NCAM1: variants seen among roughly 807,000 people sequenced by gnomAD.
The protein encoded by NCAM1 is neural cell adhesion molecule 1.
In NCAM1, 14 loss-of-function variants were observed where a neutral mutation model predicts 109.8. The observed-to-expected ratio is 0.13, with a 90% confidence interval of 0.08 to 0.20. The LOEUF (loss-of-function observed/expected upper bound fraction) is 0.20. Ranked by LOEUF, NCAM1 falls within the 10% of genes least tolerant of loss-of-function variation. NCAM1 has a pLI of 1.00. For synonymous variants in NCAM1, 418 were observed against 442.9 expected, an observed-to-expected ratio of 0.94 and a Z score of 0.70; for missense variants, 774 against 1,109.9, an observed-to-expected ratio of 0.70 and a Z score of 4.30.
chr11:113,093,432 T>C (rs1555089736), intron 1 of NCAM1, among the ~76,000 whole-genome samples: 1 of 152,196 alleles, frequency 6.6e-6, no homozygotes, highest in Non-Finnish European at 1.5e-5. Context: ...GACTTTTTTT[T>C]TCATTTTATT....
At chr11:113,041,505 A>G (rs1160282472) in intron 1 of NCAM1, among the ~76,000 whole-genome samples, 1 of 152,140 alleles carries the variant, frequency 6.6e-6, no homozygotes. Context: ...GAGTAACTAT[A>G]TAATGAATTG....
intron 8 of NCAM1, among the ~76,000 whole-genome samples, chr11:113,214,727 G>A (rs563453559): frequency 2.0e-5 from 3 of 152,284 alleles, no homozygotes; most frequent in South Asian, 4.1e-4. Context: ...ATAGGTTGGT[G>A]GGGGCGTGAT....
chr11:113,125,212 A>G (rs1941127223), intron 1 of NCAM1, among the ~76,000 whole-genome samples: 1 of 152,186 alleles, frequency 6.6e-6, no homozygotes, highest in Non-Finnish European at 1.5e-5. Flanking sequence ...CAGTGTTGAG[A>G]TTCTGACAAA....
chr11:113,163,236 C>T (rs1942662734), intron 1 of NCAM1, among the ~76,000 whole-genome samples: 1 of 152,122 alleles, frequency 6.6e-6, no homozygotes, highest in African/African-American at 2.4e-5. Context: ...TTTTCTTAGG[C>T]TGTGGCATAT....
At chr11:113,185,079 T>TATATATATATATAGAGAGAGAGAGAGAG in intron 1 of NCAM1, among the ~76,000 whole-genome samples, 10 of 125,748 alleles carry the variant, frequency 8.0e-5, no homozygotes, top group Non-Finnish European at 9.8e-5. Context: ...TATATATATA[T>TATATATATATATAGAGAGAGAGAGAGAG]AGAGAGAGAG....
In NCAM1 at chr11:113,148,243, G is replaced by A. The variant is rs75003709; in HGVS notation, c.53-54136G>A. 2.0e-3 allele frequency among the ~76,000 whole-genome samples: 305 copies of A among 152,042 alleles called. 1 individual carries two copies. The highest frequency in any genetic ancestry group is 5.3e-3 in the Admixed American group (81 of 15,282). ...CAGCCGCTTCCATCTCTGCTTTCCCGTCCCAGGATTAGGATGCTCATGTCG... is the reference window on the plus strand; with the variant it reads ...CAGCCGCTTCCATCTCTGCTTTCCCATCCCAGGATTAGGATGCTCATGTCG... On this transcript the variant is annotated intron_variant, in intron 1 of 19. Coordinates refer to ENST00000316851, the MANE Select transcript of NCAM1 (RefSeq NM_181351.5).
intron 17 of NCAM1, among the ~76,000 whole-genome samples, chr11:113,267,997 T>C (rs1341346718): frequency 6.6e-6 from 1 of 152,206 alleles, no homozygotes; most frequent in African/African-American, 2.4e-5. Context: ...AAAAATACTT[T>C]CAGATCTTTC....
At chr11:113,046,595 A>G (rs1555080865) in intron 1 of NCAM1, among the ~76,000 whole-genome samples, 1 of 152,224 alleles carries the variant, frequency 6.6e-6, no homozygotes, top group African/African-American at 2.4e-5. Context: ...TTTTGATGTT[A>G]GCAACATTGC....
At chr11:113,246,212 C>G in intron 14 of NCAM1, 156 bp from the exon 15 acceptor site, 1 of 539,276 alleles carries the variant, frequency 1.9e-6, no homozygotes, top group Non-Finnish European at 3.3e-6. Flanking sequence ...GTTGATTTTT[C>G]TCCCTGCCCA....
At chr11:112,989,262 G>A (rs567414028) in intron 1 of NCAM1, among the ~76,000 whole-genome samples, 1 of 152,136 alleles carries the variant, frequency 6.6e-6, no homozygotes, top group South Asian at 2.1e-4. Context: ...GCTTGGTGGT[G>A]TCCCATAGGC....
chr11:113,206,172 T>C lies in NCAM1; in HGVS notation c.620T>C (p.Ile207Thr), dbSNP rs1555112837. The part of the protein sequence containing the change: ...GEINFKDIQV[I>T]VNVPPTIQAR... Reference sequence around the variant, plus strand: ...ATCAACTTCAAGGACATTCAGGTCATTGTGAATGGTGAGGAGAGTCCGTTC... The same window carrying C: ...ATCAACTTCAAGGACATTCAGGTCACTGTGAATGGTGAGGAGAGTCCGTTC... The change falls in exon 5 of 20, where the codon ATT becomes ACT. Residue 207 changes from isoleucine (I) to threonine (T), a missense_variant. By Grantham distance (89) the Ile-to-Thr change is moderately conservative. This residue lies in a region of NCAM1 where 523 missense variants were observed against 784.2 expected (regional missense o/e 0.67). Transcript: ENST00000316851. 1 of 1,611,474 alleles carries C rather than the reference T, an allele frequency of 6.2e-7. No individual in the cohort carries two copies. The highest frequency in any genetic ancestry group is 2.2e-5 in the East Asian group (1 of 44,848).
At chr11:113,095,046 C>T (rs1414487910) in intron 1 of NCAM1, among the ~76,000 whole-genome samples, 2 of 152,124 alleles carry the variant, frequency 1.3e-5, no homozygotes, top group Non-Finnish European at 2.9e-5. Flanking sequence ...ATGAGACCTT[C>T]GAGTTCTTGC....
chr11:113,023,842 A>G (rs1181159462), intron 1 of NCAM1, among the ~76,000 whole-genome samples: 4 of 152,148 alleles, frequency 2.6e-5, no homozygotes, highest in Non-Finnish European at 4.4e-5. Flanking sequence ...CATTCAATAA[A>G]CAGTACATTT....
intron 1 of NCAM1, among the ~76,000 whole-genome samples, chr11:113,099,680 T>A (rs1444878381): frequency 6.6e-6 from 1 of 152,134 alleles, no homozygotes; most frequent in African/African-American, 2.4e-5. Flanking sequence ...GCTTTTTATG[T>A]ATTTATTTTT....
chr11:113,025,838 G>A (rs1235700619), intron 1 of NCAM1, among the ~76,000 whole-genome samples: 3 of 140,756 alleles, frequency 2.1e-5, no homozygotes, highest in African/African-American at 5.5e-5. Flanking sequence ...AGAGAGAACT[G>A]TAAACATGTA....
chr11:113,240,834 G>A (rs1555119003), intron 14 of NCAM1: 1 of 1,612,808 alleles, frequency 6.2e-7, no homozygotes, highest in Non-Finnish European at 8.5e-7. Flanking sequence ...CCACCAGATA[G>A]TGAGTATCAT....
intron 1 of NCAM1, among the ~76,000 whole-genome samples, chr11:113,134,214 G>A (rs782428391): frequency 7.9e-5 from 12 of 152,050 alleles, no homozygotes; most frequent in African/African-American, 1.2e-4. Flanking sequence ...TACATACTTC[G>A]CGTAGGTGGA....
intron 4 of NCAM1, 142 bp downstream of exon 4, chr11:113,205,808 T>C: frequency 8.0e-7 from 1 of 1,242,286 alleles, no homozygotes; most frequent in East Asian, 2.3e-5. Flanking sequence ...CCTGAATAGA[T>C]GCATATCTGA....
chr11:113,231,091 A>C, intron 9 of NCAM1: 2 of 1,137,164 alleles, frequency 1.8e-6, no homozygotes, highest in Non-Finnish European at 2.5e-6. Context: ...GCTTGTTTTT[A>C]CATGTGATTA....
Sources: allele counts gnomAD v4.1 joint callset (sites outside exome capture counted in the v4.1 genomes callset), GRCh38; gene constraint gnomAD v4.1.1; regional missense constraint gnomAD v4.1.1; transcripts MANE v1.5; gene names NCBI Gene and HGNC (gene_info 2026-07-23, HGNC 2026-07-21).